Variants in ENTREP2 observed in about 807,000 individuals in gnomAD.
ENTREP2 encodes protein ENTREP2.
chr15:29,592,171 G>A, the ENTREP2 span, among the ~76,000 whole-genome samples: 1 of 152,000 alleles, frequency 6.6e-6, no homozygotes, highest in Non-Finnish European at 1.5e-5. Context: ...TCTGCCCCCT[G>A]GTTCTGCTGG....
At chr15:29,308,627 T>C in the ENTREP2 span, among the ~76,000 whole-genome samples, 1 of 152,196 alleles carries the variant, frequency 6.6e-6, no homozygotes, top group Non-Finnish European at 1.5e-5. Context: ...TGCAGGTGAC[T>C]GGAGGCAGTG....
chr15:29,208,618 T>C, the ENTREP2 span, among the ~76,000 whole-genome samples: 1 of 152,108 alleles, frequency 6.6e-6, no homozygotes, highest in Non-Finnish European at 1.5e-5. Context: ...TACGAACAAC[T>C]TCGGAAAACA....
the ENTREP2 span, among the ~76,000 whole-genome samples, chr15:29,536,936 G>A: frequency 1.1e-4 from 17 of 152,132 alleles, no homozygotes; most frequent in African/African-American, 4.1e-4. Context: ...TCTACCTGGA[G>A]TCTCAGAGGG....
chr15:29,331,957 C>A, the ENTREP2 span, among the ~76,000 whole-genome samples: 2 of 152,302 alleles, frequency 1.3e-5, no homozygotes, highest in South Asian at 4.2e-4. Context: ...AAAACCACAA[C>A]AGAATTTTCT....
At chr15:29,560,626 C>T in the ENTREP2 span, among the ~76,000 whole-genome samples, 3 of 152,002 alleles carry the variant, frequency 2.0e-5, no homozygotes, top group African/African-American at 4.8e-5. Context: ...CTGTTTTGGG[C>T]GGCCCTGAGG....
the ENTREP2 span, among the ~76,000 whole-genome samples, chr15:29,340,371 G>A: frequency 6.6e-6 from 1 of 152,132 alleles, no homozygotes; most frequent in Non-Finnish European, 1.5e-5. Context: ...TAGACAATGG[G>A]GAAGCATCAG....
At chr15:29,602,272 G>A in the ENTREP2 span, among the ~76,000 whole-genome samples, 5 of 152,080 alleles carry the variant, frequency 3.3e-5, no homozygotes, top group South Asian at 2.1e-4. Flanking sequence ...AAAAATACTC[G>A]ATAAATATTT....
At chr15:29,493,489 G>A in the ENTREP2 span, among the ~76,000 whole-genome samples, 4 of 152,008 alleles carry the variant, frequency 2.6e-5, no homozygotes, top group South Asian at 2.1e-4. Flanking sequence ...CAAACAGCAC[G>A]CTTAATGCTG....
the ENTREP2 span, among the ~76,000 whole-genome samples, chr15:29,640,616 C>T: frequency 6.8e-6 from 1 of 147,984 alleles, no homozygotes; most frequent in Non-Finnish European, 1.5e-5. Flanking sequence ...TGAGACTGCA[C>T]TCCAGTCTGG....
chr15:29,139,312 C>T, the ENTREP2 span, among the ~76,000 whole-genome samples: 1 of 152,198 alleles, frequency 6.6e-6, no homozygotes, highest in Non-Finnish European at 1.5e-5. Context: ...CCCACGGCTG[C>T]GTGTGTTTAA....
the ENTREP2 span, among the ~76,000 whole-genome samples, chr15:29,399,196 C>G: frequency 6.6e-6 from 1 of 152,170 alleles, no homozygotes; most frequent in African/African-American, 2.4e-5. Flanking sequence ...ATCTTTCCCT[C>G]GTAAAGCTTT....
At chr15:29,325,418 ATAAAT>A in the ENTREP2 span, among the ~76,000 whole-genome samples, 2 of 152,134 alleles carry the variant, frequency 1.3e-5, 1 homozygote, top group African/African-American at 4.8e-5. Context: ...AATATCAGAA[ATAAAT>A]TAAGGGATTA....
At chr15:29,668,137 G>A in the ENTREP2 span, among the ~76,000 whole-genome samples, 1 of 152,090 alleles carries the variant, frequency 6.6e-6, no homozygotes, top group African/African-American at 2.4e-5. Flanking sequence ...GGAAGAAAAG[G>A]GTGTCGTTGA....
At chr15:29,311,352 G>C in the ENTREP2 span, among the ~76,000 whole-genome samples, 1 of 152,058 alleles carries the variant, frequency 6.6e-6, no homozygotes, top group Non-Finnish European at 1.5e-5. Flanking sequence ...TTCTGTATTT[G>C]CTTAAATAAT....
the ENTREP2 span, among the ~76,000 whole-genome samples, chr15:29,392,209 G>T: frequency 0.01 from 1,526 of 151,874 alleles, 28 homozygotes; most frequent in African/African-American, 0.034. Flanking sequence ...TGATCCACCC[G>T]CCTCGGCCTC....
chr15:29,287,404 A>G, the ENTREP2 span, among the ~76,000 whole-genome samples: 1 of 151,766 alleles, frequency 6.6e-6, no homozygotes, highest in African/African-American at 2.4e-5. Context: ...AAAAGAAAAA[A>G]AAAAAAAGAA....
the ENTREP2 span, among the ~76,000 whole-genome samples, chr15:29,558,508 C>T: frequency 6.6e-6 from 1 of 151,414 alleles, no homozygotes; most frequent in Non-Finnish European, 1.5e-5. Context: ...ATCTTCTGCA[C>T]ACATCCCTCC....
At chr15:29,148,908 GCT>G in the ENTREP2 span, among the ~76,000 whole-genome samples, 4 of 149,436 alleles carry the variant, frequency 2.7e-5, no homozygotes, top group Non-Finnish European at 5.9e-5. Context: ...TCTCAATCTC[GCT>G]CTGTCGCCCA....
At chr15:29,339,155 G>C in the ENTREP2 span, among the ~76,000 whole-genome samples, 3 of 152,358 alleles carry the variant, frequency 2.0e-5, no homozygotes, top group East Asian at 1.9e-4. Context: ...AGCACTAGTG[G>C]AGTTGGCACG....
Sources: allele counts gnomAD v4.1 joint callset (sites outside exome capture counted in the v4.1 genomes callset), GRCh38; gene constraint gnomAD v4.1.1; transcripts MANE v1.5; gene names NCBI Gene and HGNC (gene_info 2026-07-23, HGNC 2026-07-21).